Variants in CDH18 observed in about 807,000 individuals in gnomAD.
The protein encoded by CDH18 is cadherin-18.
In CDH18, 31 loss-of-function variants were observed where a neutral mutation model predicts 67.9. That is an observed-to-expected ratio of 0.46 (90% CI 0.34 to 0.62). The LOEUF (loss-of-function observed/expected upper bound fraction) is 0.62, where lower values mean the gene tolerates loss of function less well. CDH18 is among the 20% of genes least tolerant of loss of function. The pLI, the probability that CDH18 is intolerant of heterozygous loss-of-function variation, is 0.01. For synonymous variants in CDH18, 362 were observed against 347.2 expected (o/e 1.04, Z -0.48); for missense variants, 890 against 975.5 (o/e 0.91, Z 1.17).
chr5:20,172,204 A>ATGTG (rs1554098701), intron 2 of CDH18, among the ~76,000 whole-genome samples: 1 of 60,314 alleles, frequency 1.7e-5, no homozygotes, highest in African/African-American at 8.1e-5. Flanking sequence ...ATATATATAT[A>ATGTG]TATATATATA....
chr5:20,330,661 G>A (rs1739084810), intron 1 of CDH18, among the ~76,000 whole-genome samples: 1 of 152,158 alleles, frequency 6.6e-6, no homozygotes, highest in Non-Finnish European at 1.5e-5. Flanking sequence ...CACTGCGCAT[G>A]TGGCCCCTTC....
intron 2 of CDH18, among the ~76,000 whole-genome samples, chr5:20,172,184 T>TG: frequency 3.9e-5 from 1 of 25,820 alleles, no homozygotes; most frequent in Admixed American, 5.5e-4. Context: ...ATCAATAGCA[T>TG]TGTGTGTATA....
At chr5:20,316,075 G>A (rs2149997943) in intron 1 of CDH18, among the ~76,000 whole-genome samples, 1 of 152,218 alleles carries the variant, frequency 6.6e-6, no homozygotes, top group East Asian at 1.9e-4. Flanking sequence ...CTAACTAGCA[G>A]TGTGAGCTTT....
At chr5:19,839,338 T>C (rs1046208064) in intron 2 of CDH18, 96 bp from the exon 3 acceptor site, 4 of 238,160 alleles carry the variant, frequency 1.7e-5, no homozygotes, top group Non-Finnish European at 2.5e-5. Flanking sequence ...GTGATACTGA[T>C]AGGCAAAGAA....
chr5:19,472,281 A>G lies in CDH18; in HGVS notation c.*945T>C, dbSNP rs1579637707. ...ATAAGTGAATTAGACTGAAGTACAA[A>G]CCAGCCAGCAAAATATTTGACAATT... is the stretch of plus-strand genomic sequence containing the variant. On this transcript the variant is annotated 3_prime_UTR_variant, in exon 13 of 13. Transcript: ENST00000382275. 6.6e-6 allele frequency among the ~76,000 whole-genome samples: 1 copy of G among 152,126 alleles called. No homozygotes were observed. Among genetic ancestry groups the G allele is most frequent in the Non-Finnish European group, 1.5e-5 (1 of 68,028 alleles).
At chr5:19,953,885 A>T (rs1355104682) in intron 2 of CDH18, among the ~76,000 whole-genome samples, 1 of 152,062 alleles carries the variant, frequency 6.6e-6, no homozygotes, top group Admixed American at 6.6e-5. Flanking sequence ...GAAAAAGAAA[A>T]AAGATTTAAT....
At chr5:20,328,770 G>A (rs1738871160) in intron 1 of CDH18, among the ~76,000 whole-genome samples, 1 of 152,102 alleles carries the variant, frequency 6.6e-6, no homozygotes, top group Admixed American at 6.5e-5. Context: ...AAGGTGGGTG[G>A]ATCCCTTGAG....
intron 9 of CDH18, among the ~76,000 whole-genome samples, chr5:19,531,723 G>A (rs1407225263): frequency 2.0e-5 from 3 of 152,098 alleles, no homozygotes; most frequent in Non-Finnish European, 4.4e-5. Flanking sequence ...GCTGAGATCA[G>A]GAGTTCGAGA....
At chr5:20,316,754 A>G (rs1737502764) in intron 1 of CDH18, among the ~76,000 whole-genome samples, 1 of 152,026 alleles carries the variant, frequency 6.6e-6, no homozygotes, top group South Asian at 2.1e-4. Context: ...TAGTCTAAAT[A>G]GTATTTTAGT....
chr5:19,778,117 T>C (rs760524595), intron 3 of CDH18, among the ~76,000 whole-genome samples: 4 of 152,122 alleles, frequency 2.6e-5, no homozygotes, highest in Non-Finnish European at 4.4e-5. Flanking sequence ...AAAATCTCAA[T>C]AGACACAAAA....
At chr5:19,563,758 A>C (rs1739864765) in intron 8 of CDH18, among the ~76,000 whole-genome samples, 1 of 152,224 alleles carries the variant, frequency 6.6e-6, no homozygotes, top group Admixed American at 6.5e-5. Flanking sequence ...ATAAGGACTA[A>C]AAATCAGGTG....
At chr5:19,710,844 T>A (rs1207820099) in intron 5 of CDH18, among the ~76,000 whole-genome samples, 1 of 152,076 alleles carries the variant, frequency 6.6e-6, no homozygotes, top group Admixed American at 6.6e-5. Flanking sequence ...ATGCCTTCAG[T>A]TTGGTTCTTC....
chr5:20,122,741 A>T (rs1217951386), intron 2 of CDH18, among the ~76,000 whole-genome samples: 2 of 150,604 alleles, frequency 1.3e-5, no homozygotes, highest in Non-Finnish European at 3.0e-5. Flanking sequence ...CGAATGTTTG[A>T]CTATTTTAAA....
chr5:20,141,740 T>G (rs190579781), intron 2 of CDH18, among the ~76,000 whole-genome samples: 1 of 152,018 alleles, frequency 6.6e-6, no homozygotes, highest in East Asian at 1.9e-4. Flanking sequence ...AAAGAGTTAT[T>G]ATAGTAAAAA....
At chr5:19,673,043 ATATT>A (rs1758969444) in intron 5 of CDH18, among the ~76,000 whole-genome samples, 1 of 152,028 alleles carries the variant, frequency 6.6e-6, no homozygotes, top group South Asian at 2.1e-4. Context: ...GGACAAGAAA[ATATT>A]TATTTCATTT....
rs117472652 is a variant in CDH18 at position 19,694,315 on chromosome 5, A to G, written c.643+27032T>C. The stretch of plus-strand genomic sequence containing the variant: ...AAAATAGATAAAAGAGCCAATCTAT[A>G]GGGTTCAAAATTTCTATTAAGGGAC... On this transcript the variant is annotated intron_variant, in intron 5 of 12. Coordinates refer to ENST00000382275, the MANE Select transcript of CDH18 (RefSeq NM_004934.5). 1.2e-4 allele frequency among the ~76,000 whole-genome samples: 18 copies of G among 152,276 alleles called. No individual in the cohort carries two copies. In the East Asian group the frequency reaches 3.5e-3, roughly 29 times the overall value.
intron 2 of CDH18, among the ~76,000 whole-genome samples, chr5:20,129,871 T>C (rs1243559918): frequency 6.6e-6 from 1 of 151,926 alleles, no homozygotes; most frequent in Non-Finnish European, 1.5e-5. Context: ...GGTTACAGAA[T>C]GGGATAATGT....
At chr5:20,175,991 GAGT>G (rs985397939) in intron 2 of CDH18, among the ~76,000 whole-genome samples, 2 of 152,170 alleles carry the variant, frequency 1.3e-5, no homozygotes, top group African/African-American at 4.8e-5. Flanking sequence ...AAGTGAATGT[GAGT>G]AGAAGTTATG....
At chr5:20,288,135 A>C (rs926558892) in intron 1 of CDH18, among the ~76,000 whole-genome samples, 16 of 151,690 alleles carry the variant, frequency 1.1e-4, no homozygotes, top group African/African-American at 3.6e-4. Flanking sequence ...TGAAGGCATA[A>C]ATTCCTTTCT....
Sources: allele counts gnomAD v4.1 joint callset (sites outside exome capture counted in the v4.1 genomes callset), GRCh38; gene constraint gnomAD v4.1.1; transcripts MANE v1.5; gene names NCBI Gene and HGNC (gene_info 2026-07-23, HGNC 2026-07-21).